Variants in GNAQ observed in about 807,000 individuals in gnomAD.
GNAQ encodes the protein G protein subunit alpha q.
In GNAQ, 8 loss-of-function variants were observed where a neutral mutation model predicts 43.9. The observed-to-expected ratio is 0.18, with a 90% CI of 0.11 to 0.33. The LOEUF (loss-of-function observed/expected upper bound fraction) is 0.33. GNAQ is among the 10% of genes least tolerant of loss of function. GNAQ has a pLI of 1.00. For synonymous variants in GNAQ, 155 were observed against 170.7 expected, an observed-to-expected ratio of 0.91 and a Z score of 0.71; for missense variants, 158 against 450.8, an observed-to-expected ratio of 0.35 and a Z score of 5.88.
intron 1 of GNAQ, among the ~76,000 whole-genome samples, chr9:78,002,293 T>G (rs901009936): frequency 3.9e-5 from 6 of 152,116 alleles, no homozygotes; most frequent in African/African-American, 1.4e-4. Flanking sequence ...TTGTCAAAGA[T>G]TGAAAGGAGT....
At chr9:77,819,020 A>G (rs1827066884) in intron 2 of GNAQ, among the ~76,000 whole-genome samples, 1 of 150,342 alleles carries the variant, frequency 6.7e-6, no homozygotes, top group Non-Finnish European at 1.5e-5. Flanking sequence ...AAAAAAAAAA[A>G]AAAAAAAAAC....
At chr9:77,892,930 T>C (rs1199311672) in intron 2 of GNAQ, among the ~76,000 whole-genome samples, 1 of 152,208 alleles carries the variant, frequency 6.6e-6, no homozygotes, top group Non-Finnish European at 1.5e-5. Context: ...GGGTGGAATA[T>C]ATGCATATTT....
intron 5 of GNAQ, among the ~76,000 whole-genome samples, chr9:77,768,863 T>C (rs1251663551): frequency 2.0e-5 from 3 of 152,176 alleles, no homozygotes; most frequent in Non-Finnish European, 4.4e-5. Flanking sequence ...TGTAACATTA[T>C]TTATGACTCC....
intron 2 of GNAQ, among the ~76,000 whole-genome samples, chr9:77,850,108 C>A (rs1348745508): frequency 6.6e-6 from 1 of 152,252 alleles, no homozygotes; most frequent in Non-Finnish European, 1.5e-5. Flanking sequence ...GTCGGCTACA[C>A]ACTTCACCTG....
chr9:77,983,983 ACTCTCT>A (rs911554453), intron 1 of GNAQ, among the ~76,000 whole-genome samples: 5 of 142,692 alleles, frequency 3.5e-5, no homozygotes, highest in East Asian at 4.3e-4. Flanking sequence ...TTATTCAAAG[ACTCTCT>A]CTCTCTCCTC....
chr9:77,872,642 T>C (rs899779828), intron 2 of GNAQ, among the ~76,000 whole-genome samples: 1 of 152,218 alleles, frequency 6.6e-6, no homozygotes, highest in African/African-American at 2.4e-5. Flanking sequence ...TGTGTGTGAC[T>C]GGCATGGAAG....
chr9:77,980,447 G>A (rs914832503), intron 1 of GNAQ, among the ~76,000 whole-genome samples: 1 of 152,118 alleles, frequency 6.6e-6, no homozygotes, highest in Non-Finnish European at 1.5e-5. Context: ...ACAAAATGAA[G>A]ATCTACAATG....
intron 5 of GNAQ, among the ~76,000 whole-genome samples, chr9:77,737,032 A>G (rs1176039562): frequency 6.6e-6 from 1 of 152,222 alleles, no homozygotes; most frequent in Non-Finnish European, 1.5e-5. Flanking sequence ...CATGCAGTCT[A>G]TCCTTAACTC....
At chr9:77,752,881 T>C (rs528692863) in intron 5 of GNAQ, among the ~76,000 whole-genome samples, 11 of 152,048 alleles carry the variant, frequency 7.2e-5, no homozygotes, top group African/African-American at 2.7e-4. Flanking sequence ...AGTCAGGAGA[T>C]TGAGGCCATG....
chr9:77,880,970 G>T (rs1210358650), intron 2 of GNAQ, among the ~76,000 whole-genome samples: 1 of 152,128 alleles, frequency 6.6e-6, no homozygotes, highest in Non-Finnish European at 1.5e-5. Context: ...ATAGCTTGAA[G>T]ACCTTGAAGT....
chr9:77,842,329 T>A (rs75843910), intron 2 of GNAQ, among the ~76,000 whole-genome samples: 2 of 152,170 alleles, frequency 1.3e-5, no homozygotes, highest in Non-Finnish European at 2.9e-5. Flanking sequence ...CCAGGCTCCC[T>A]CTTTACGGTC....
chr9:77,863,645 C>T (rs775651539), intron 2 of GNAQ, among the ~76,000 whole-genome samples: 17 of 151,926 alleles, frequency 1.1e-4, no homozygotes, highest in African/African-American at 2.9e-4. Flanking sequence ...GTCCATTTCA[C>T]GCTGCTGATA....
At chr9:77,963,533 G>C (rs1209439380) in intron 1 of GNAQ, among the ~76,000 whole-genome samples, 1 of 151,946 alleles carries the variant, frequency 6.6e-6, no homozygotes, top group Admixed American at 6.6e-5. Flanking sequence ...TTACCAGTAC[G>C]ATCCTGAAAA....
chr9:77,949,794 T>C (rs993504953), intron 1 of GNAQ, among the ~76,000 whole-genome samples: 5 of 152,198 alleles, frequency 3.3e-5, no homozygotes, highest in African/African-American at 9.6e-5. Context: ...CTTTTCCATA[T>C]TTCCCGTATC....
chr9:77,977,607 G>A (rs1437712421), intron 1 of GNAQ, among the ~76,000 whole-genome samples: 4 of 152,172 alleles, frequency 2.6e-5, no homozygotes, highest in East Asian at 1.9e-4. Context: ...CAAAGGCAAC[G>A]CAGACATGCA....
chr9:77,969,999 AC>A (rs1450822851), intron 1 of GNAQ, among the ~76,000 whole-genome samples: 1 of 152,124 alleles, frequency 6.6e-6, no homozygotes, highest in Non-Finnish European at 1.5e-5. Context: ...CGGGCAGATC[AC>A]CTGAGGTCAG....
intron 6 of GNAQ, among the ~76,000 whole-genome samples, chr9:77,725,475 A>G (rs1440467536): frequency 6.6e-6 from 1 of 151,422 alleles, no homozygotes; most frequent in Non-Finnish European, 1.5e-5. Flanking sequence ...GTTTCACGTA[A>G]TGACTGCTGC....
At chr9:77,745,308 T>C (rs922513828) in intron 5 of GNAQ, among the ~76,000 whole-genome samples, 1 of 152,120 alleles carries the variant, frequency 6.6e-6, no homozygotes, top group Admixed American at 6.5e-5. Context: ...TGTTTAGTGC[T>C]TCAGTGCTGT....
chr9:77,936,774 T>G (rs1290584793), intron 1 of GNAQ, among the ~76,000 whole-genome samples: 1 of 152,182 alleles, frequency 6.6e-6, no homozygotes, highest in East Asian at 1.9e-4. Context: ...AGCCTAACGC[T>G]GACCCTAGAA....
Sources: allele counts gnomAD v4.1 joint callset (sites outside exome capture counted in the v4.1 genomes callset), GRCh38; gene constraint gnomAD v4.1.1; transcripts MANE v1.5; gene names NCBI Gene and HGNC (gene_info 2026-07-23, HGNC 2026-07-21).